Variants in ACAP2 observed in about 807,000 individuals in gnomAD.
ACAP2 encodes ArfGAP with coiled-coil, ankyrin repeat and PH domains 2.
A neutral mutation model predicts 115.8 loss-of-function variants in ACAP2; 39 were observed. The ratio of observed to expected loss-of-function variants is 0.34; its 90% CI spans 0.26 to 0.44. The LOEUF (loss-of-function observed/expected upper bound fraction) is 0.44, where lower values mean the gene tolerates loss of function less well. Ranked by LOEUF, ACAP2 falls within the 20% of genes least tolerant of loss-of-function variation. The pLI, the probability that ACAP2 is intolerant of heterozygous loss-of-function variation, is 1.00. For missense variants in ACAP2, 662 were observed against 927.6 expected (o/e 0.71, Z 3.72); for synonymous variants, 289 against 315.8 (o/e 0.92, Z 0.90).
intron 1 of ACAP2, among the ~76,000 whole-genome samples, chr3:195,393,355 G>A (rs956098796): frequency 1.3e-5 from 2 of 152,172 alleles, no homozygotes; most frequent in Admixed American, 6.5e-5. Context: ...TCACCTCTGT[G>A]TGACCTCTGA....
At chr3:195,393,886 G>A (rs200219962) in intron 1 of ACAP2, among the ~76,000 whole-genome samples, 2 of 66,712 alleles carry the variant, frequency 3.0e-5, no homozygotes, top group Non-Finnish European at 5.8e-5. Flanking sequence ...TATTATATTG[G>A]GGGGGGGGGA....
chr3:195,435,840 G>A (rs1160023380), intron 1 of ACAP2, among the ~76,000 whole-genome samples: 8 of 152,112 alleles, frequency 5.3e-5, no homozygotes, highest in African/African-American at 1.7e-4. Flanking sequence ...TGTATGAAGT[G>A]TTCTATAGAT....
At chr3:195,385,267 C>A (rs570770943) in intron 2 of ACAP2, among the ~76,000 whole-genome samples, 49 of 149,232 alleles carry the variant, frequency 3.3e-4, no homozygotes, top group African/African-American at 5.9e-4. Context: ...AAAAAAGATT[C>A]TTAGCACAAA....
At position 195,426,987 on chromosome 3, in the gene ACAP2, G is replaced by A. The variant is rs189974734; in HGVS notation, c.53+15808C>T. Among the ~76,000 whole-genome samples the A allele has an allele frequency of 1.6e-4, 24 of 149,822 alleles. No individual in the cohort carries two copies. The East Asian group carries it at 3.8e-3, about 23-fold the overall frequency. ...CCGAATCCTCAGAACCCGCAAATAC[G>A]TTAGGTTACACGGCAAAGGGAAATT... On this transcript the variant is annotated intron_variant, in intron 1 of 22. Transcript: ENST00000326793.
At chr3:195,408,617 T>C (rs1382937947) in intron 1 of ACAP2, among the ~76,000 whole-genome samples, 2 of 152,112 alleles carry the variant, frequency 1.3e-5, no homozygotes, top group Non-Finnish European at 2.9e-5. Context: ...ATGCCAGCAT[T>C]ACCCTGATAC....
chr3:195,375,817 A>G (rs1733490553), intron 4 of ACAP2, among the ~76,000 whole-genome samples: 1 of 151,254 alleles, frequency 6.6e-6, no homozygotes, highest in African/African-American at 2.5e-5. Flanking sequence ...CAAAAATGAT[A>G]GACAGACAAC....
intron 9 of ACAP2, chr3:195,325,493 T>C: frequency 2.4e-6 from 1 of 418,032 alleles, no homozygotes; most frequent in South Asian, 1.8e-5. Flanking sequence ...GAGGTCAGTA[T>C]TCATAATAAG....
At chr3:195,321,931 G>A (rs1187856467) in intron 9 of ACAP2, among the ~76,000 whole-genome samples, 2 of 152,066 alleles carry the variant, frequency 1.3e-5, no homozygotes, top group Non-Finnish European at 2.9e-5. Context: ...CCTTCAATCT[G>A]ACACTGTCTA....
At chr3:195,362,317 CAA>C (rs755987847) in intron 4 of ACAP2, among the ~76,000 whole-genome samples, 34 of 67,320 alleles carry the variant, frequency 5.1e-4, no homozygotes, top group Admixed American at 6.4e-4. Context: ...AACTCCATCT[CAA>C]AAAAAAAAAA....
intron 4 of ACAP2, among the ~76,000 whole-genome samples, chr3:195,347,192 A>G (rs1577335554): frequency 6.6e-6 from 1 of 152,344 alleles, no homozygotes; most frequent in South Asian, 2.1e-4. Context: ...ATGAATTAAG[A>G]AGAAACAAAT....
At position 195,279,295 on chromosome 3, in the gene ACAP2, C is replaced by G. The variant is rs778946405; in HGVS notation, c.*33G>C. The stretch of plus-strand genomic sequence containing the variant: ...TTTAGCTGTATACATTAGGGGGTCA[C>G]CAGATTTCATATTTTCCCATTTTTA... On this transcript the variant is annotated 3_prime_UTR_variant, in exon 23 of 23. Transcript: ENST00000326793. The G allele has an allele frequency of 1.4e-6, 2 of 1,462,302 alleles. No individual in the cohort carries two copies. The highest frequency in any genetic ancestry group is 4.6e-5 in the East Asian group (2 of 43,256). The allele number at this position is 1,462,302 out of a possible 1,614,324, so 90.6% of individuals were successfully genotyped here.
At chr3:195,426,090 ACAT>A (rs1249412923) in intron 1 of ACAP2, among the ~76,000 whole-genome samples, 1 of 152,188 alleles carries the variant, frequency 6.6e-6, no homozygotes, top group Non-Finnish European at 1.5e-5. Flanking sequence ...ATAATGCCTA[ACAT>A]GACCTCATCC....
intron 2 of ACAP2, among the ~76,000 whole-genome samples, chr3:195,384,992 A>G (rs1242560605): frequency 6.6e-6 from 1 of 152,218 alleles, no homozygotes; most frequent in African/African-American, 2.4e-5. Context: ...ACCTACTGTC[A>G]TACTTAAACA....
intron 1 of ACAP2, among the ~76,000 whole-genome samples, chr3:195,413,655 C>A (rs181888871): frequency 6.0e-4 from 91 of 151,918 alleles, no homozygotes; most frequent in African/African-American, 2.1e-3. Context: ...GGCTGAGGCA[C>A]GGAGAATCGC....
intron 21 of ACAP2, among the ~76,000 whole-genome samples, chr3:195,286,742 A>C (rs941303866): frequency 2.0e-5 from 3 of 152,230 alleles, no homozygotes; most frequent in African/African-American, 7.2e-5. Flanking sequence ...GAGGATGCTT[A>C]CAAAAATTCT....
At chr3:195,279,731 G>A (rs532878439) in intron 22 of ACAP2, 85 of 180,656 alleles carry the variant, frequency 4.7e-4, no homozygotes, top group Non-Finnish European at 6.1e-4. Context: ...TAACACACGG[G>A]GGGGAAAAGT....
intron 1 of ACAP2, among the ~76,000 whole-genome samples, chr3:195,439,322 G>A (rs554842950): frequency 1.3e-5 from 2 of 150,694 alleles, no homozygotes; most frequent in South Asian, 4.2e-4. Context: ...TGGAATCACA[G>A]ATGCACGCCA....
chr3:195,292,690 G>T (rs1012303495), intron 18 of ACAP2, among the ~76,000 whole-genome samples: 3 of 152,044 alleles, frequency 2.0e-5, no homozygotes, highest in African/African-American at 7.2e-5. Context: ...GGGAGGCCGA[G>T]GGGGGTGGAT....
intron 1 of ACAP2, among the ~76,000 whole-genome samples, chr3:195,402,546 T>A (rs1712399510): frequency 1.3e-5 from 2 of 152,182 alleles, no homozygotes; most frequent in South Asian, 4.1e-4. Flanking sequence ...CTTTTTAAGT[T>A]GACAGAAAAG....
Sources: allele counts gnomAD v4.1 joint callset (sites outside exome capture counted in the v4.1 genomes callset), GRCh38; gene constraint gnomAD v4.1.1; transcripts MANE v1.5; gene names NCBI Gene and HGNC (gene_info 2026-07-23, HGNC 2026-07-21).